Variants in ITGA9 observed in about 807,000 individuals in gnomAD.
ITGA9 encodes the protein integrin subunit alpha 9.
In ITGA9, 56 loss-of-function variants were observed where a neutral mutation model predicts 127.8. The ratio of observed to expected loss-of-function variants is 0.44; its 90% CI spans 0.35 to 0.55. The LOEUF (loss-of-function observed/expected upper bound fraction) is 0.55, where lower values mean the gene tolerates loss of function less well. ITGA9 is among the 20% of genes least tolerant of loss of function. The pLI, the probability that ITGA9 is intolerant of heterozygous loss-of-function variation, is 0.00. For synonymous variants in ITGA9, 508 were observed against 514.5 expected, an observed-to-expected ratio of 0.99 and a Z score of 0.17; for missense variants, 1,196 against 1,347.1, an observed-to-expected ratio of 0.89 and a Z score of 1.76.
chr3:37,507,252 G>A (rs572544430), intron 7 of ITGA9, among the ~76,000 whole-genome samples: 13 of 152,320 alleles, frequency 8.5e-5, no homozygotes, highest in Non-Finnish European at 1.9e-4. Context: ...ATTTATCTAA[G>A]TAGAGAAAGA....
intron 8 of ITGA9, among the ~76,000 whole-genome samples, chr3:37,511,861 C>T (rs192159234): frequency 1.3e-5 from 2 of 152,206 alleles, no homozygotes; most frequent in South Asian, 2.1e-4. Flanking sequence ...CCTGGGTCAG[C>T]TGCCAACAAA....
At chr3:37,740,326 C>T (rs1696417762) in intron 20 of ITGA9, among the ~76,000 whole-genome samples, 1 of 152,118 alleles carries the variant, frequency 6.6e-6, no homozygotes, top group African/African-American at 2.4e-5. Context: ...GCAGGGTGAA[C>T]TTGGGAACCA....
intron 15 of ITGA9, among the ~76,000 whole-genome samples, chr3:37,582,795 T>C (rs1189909145): frequency 1.3e-5 from 2 of 152,190 alleles, no homozygotes; most frequent in Admixed American, 1.3e-4. Flanking sequence ...AGGAATTATG[T>C]CTTCTACTGT....
At chr3:37,770,592 A>C (rs1696830998) in intron 23 of ITGA9, among the ~76,000 whole-genome samples, 1 of 152,136 alleles carries the variant, frequency 6.6e-6, no homozygotes, top group African/African-American at 2.4e-5. Context: ...TCCCTTCTCC[A>C]CCTGGGATCA....
intron 27 of ITGA9, among the ~76,000 whole-genome samples, chr3:37,812,620 G>A (rs1418435314): frequency 1.3e-5 from 2 of 152,232 alleles, no homozygotes; most frequent in South Asian, 2.1e-4. Context: ...TGTCTGTTAC[G>A]AGGGTTCAGG....
chr3:37,581,656 A>G (rs918786518), intron 15 of ITGA9, among the ~76,000 whole-genome samples: 12 of 152,228 alleles, frequency 7.9e-5, no homozygotes, highest in African/African-American at 2.9e-4. Context: ...AAGCAAGACA[A>G]TGTCTCAAAA....
At chr3:37,650,426 A>T (rs1394079980) in intron 16 of ITGA9, among the ~76,000 whole-genome samples, 1 of 151,816 alleles carries the variant, frequency 6.6e-6, no homozygotes, top group Non-Finnish European at 1.5e-5. Context: ...ACCATCCATT[A>T]ATGTTTGTTT....
chr3:37,743,344 T>C (rs1221654148), intron 21 of ITGA9, among the ~76,000 whole-genome samples: 4 of 152,212 alleles, frequency 2.6e-5, no homozygotes, highest in Admixed American at 2.6e-4. Context: ...TGTGTTCATA[T>C]AAGCAACATT....
At chr3:37,510,804 A>G (rs564995240) in intron 8 of ITGA9, among the ~76,000 whole-genome samples, 9 of 152,198 alleles carry the variant, frequency 5.9e-5, no homozygotes, top group African/African-American at 2.2e-4. Context: ...GCACCATTCC[A>G]TAGGCACCCC....
chr3:37,622,302 G>T (rs1268869017), intron 15 of ITGA9, among the ~76,000 whole-genome samples: 1 of 151,854 alleles, frequency 6.6e-6, no homozygotes, highest in Non-Finnish European at 1.5e-5. Flanking sequence ...TGTTAGCCAG[G>T]ATGGTCTCGA....
chr3:37,517,146 A>C (rs1698991521), intron 9 of ITGA9, among the ~76,000 whole-genome samples: 1 of 152,230 alleles, frequency 6.6e-6, no homozygotes, highest in Non-Finnish European at 1.5e-5. Flanking sequence ...CATTGGGGAA[A>C]AAGTGCTATG....
rs1474701662 is a variant in ITGA9 at position 37,731,424 on chromosome 3, A to G, written c.2068-1288A>G. On this transcript the variant is annotated intron_variant, in intron 18 of 27. Transcript: ENST00000264741. ...CTGGCTAAGAGCACAGAGAGATGTT[A>G]GAAAACTAATCATCATTGAGATCAG... is the stretch of plus-strand genomic sequence containing the variant. Among the ~76,000 whole-genome samples the G allele has an allele frequency of 2.0e-5, 3 of 152,250 alleles. No individual in the cohort carries two copies. The East Asian group carries it at 5.8e-4, about 29-fold the overall frequency.
chr3:37,453,148 G>T (rs535009789), intron 1 of ITGA9, among the ~76,000 whole-genome samples: 2 of 145,604 alleles, frequency 1.4e-5, no homozygotes, highest in African/African-American at 5.2e-5. Context: ...ACAAGACCCT[G>T]GGTGGAAGTG....
chr3:37,569,226 C>T (rs146163999), intron 15 of ITGA9, among the ~76,000 whole-genome samples: 1 of 152,276 alleles, frequency 6.6e-6, no homozygotes, highest in African/African-American at 2.4e-5. Flanking sequence ...CTGGGGAACT[C>T]CTCATTATAA....
At position 37,777,473 on chromosome 3, in the gene ITGA9, C is replaced by T. The variant is rs1464766089; in HGVS notation, c.2623C>T (p.His875Tyr). 1 of 1,614,096 alleles carries T rather than the reference C, an allele frequency of 6.2e-7. No individual in the cohort carries two copies. The highest frequency in any genetic ancestry group is 1.3e-5 in the African/African-American group (1 of 75,062). ...IIPQEQENIFHTIFAFFTKSG... is the reference protein window; with the variant it reads ...IIPQEQENIFYTIFAFFTKSG... ...CCCTCAAGAACAAGAAAATATCTTC[C>T]ACACAATATTTGCTTTTTTCACAAA... The change falls in exon 24 of 28, where the codon CAC becomes TAC. Residue 875 changes from histidine to tyrosine, a missense_variant. By Grantham distance (83) the His-to-Tyr change is moderately conservative (BLOSUM62 2). Coordinates refer to ENST00000264741, the MANE Select transcript of ITGA9 (RefSeq NM_002207.3).
chr3:37,481,402 A>C (rs1323132672), intron 3 of ITGA9, 82 bp from the exon 4 acceptor site: 1 of 1,570,346 alleles, frequency 6.4e-7, no homozygotes, highest in African/African-American at 1.4e-5. Context: ...CCACAGAAAG[A>C]AACATCTGGC....
intron 15 of ITGA9, among the ~76,000 whole-genome samples, chr3:37,592,016 T>C (rs1201696906): frequency 6.6e-6 from 1 of 152,058 alleles, no homozygotes; most frequent in African/African-American, 2.4e-5. Context: ...TGGATAGGGG[T>C]GGGCTGAGGA....
At chr3:37,674,551 C>A (rs1700664602) in intron 17 of ITGA9, among the ~76,000 whole-genome samples, 1 of 152,186 alleles carries the variant, frequency 6.6e-6, no homozygotes, top group African/African-American at 2.4e-5. Context: ...GAAATATACA[C>A]CCCTCAGATT....
intron 23 of ITGA9, among the ~76,000 whole-genome samples, chr3:37,770,494 TGCCTGACTGA>T (rs1696829519): frequency 6.6e-6 from 1 of 152,156 alleles, no homozygotes. Context: ...CTCTTAGAAG[TGCCTGACTGA>T]GCCTACAACA....
Sources: gnomAD v4.1 joint callset for allele counts (sites outside exome capture counted in the v4.1 genomes callset) on GRCh38, gnomAD v4.1.1 for gene constraint, MANE v1.5 for transcripts, NCBI Gene and HGNC (gene_info 2026-07-23, HGNC 2026-07-21) for gene names.